The following LY9 variants were observed in gnomAD, a reference collection of about 807,000 sequenced individuals.
LY9 encodes lymphocyte antigen 9.
LY9 carries 59 observed loss-of-function variants against 64.6 expected under a neutral mutation model. The observed-to-expected ratio is 0.91, with a 90% CI of 0.74 to 1.13. The LOEUF (loss-of-function observed/expected upper bound fraction) is 1.13, where lower values mean the gene tolerates loss of function less well. Among genes scored for constraint, LY9 ranks in the 50% most tolerant of loss-of-function variants. The pLI, the probability that LY9 is intolerant of heterozygous loss-of-function variation, is 0.00. For missense variants in LY9, 789 were observed against 797.2 expected (o/e 0.99, Z 0.12); for synonymous variants, 281 against 308.5 (o/e 0.91, Z 0.93).
chr1:160,823,804 C>T lies in LY9; in HGVS notation c.1830+8C>T, dbSNP rs202223592. On this transcript the variant is annotated splice_region_variant and intron_variant, in intron 8 of 9. Transcript: ENST00000263285. ...CAAGTGTTCAACTTACAGGTGAGCC[C>T]TTCTGATCAATACACCTTCCTCCTC... 15 of 1,597,362 alleles carry T rather than the reference C, an allele frequency of 9.4e-6. No individual in the cohort carries two copies. In the African/African-American group the frequency reaches 1.5e-4, roughly 16 times the overall value.
intron 2 of LY9, chr1:160,810,547 C>T (rs375425227): frequency 6.6e-6 from 1 of 152,164 alleles, no homozygotes; most frequent in Non-Finnish European, 1.5e-5. Context: ...TCTTTAGATG[C>T]CCTGTCTCCA....
chr1:160,814,774 G>T lies in LY9; in HGVS notation c.1072+13G>T. 6.2e-7 allele frequency: 1 copy of T among 1,601,586 alleles called. No individual in the cohort carries two copies. Among genetic ancestry groups the T allele is most frequent in the South Asian group, 1.1e-5 (1 of 89,706 alleles). On this transcript the variant is annotated intron_variant, in intron 4 of 9. Coordinates refer to ENST00000263285, the MANE Select transcript of LY9 (RefSeq NM_002348.4). Reference sequence around the variant, plus strand: ...CTGCTCATCTACCGTGAGTCTCTGGGCAGGGCACCCATCACCAGATTCCTT... The same window carrying T: ...CTGCTCATCTACCGTGAGTCTCTGGTCAGGGCACCCATCACCAGATTCCTT...
chr1:160,822,925 A>G (rs373722088), intron 7 of LY9, among the ~76,000 whole-genome samples: 141 of 152,326 alleles, frequency 9.3e-4, no homozygotes, highest in South Asian at 4.6e-3. Flanking sequence ...TCCTCCACCT[A>G]GAATACCCTT....
chr1:160,796,283 A>T lies in LY9; in HGVS notation c.96A>T (p.Leu32=), dbSNP rs1252738333. Residue 32 remains leucine, a synonymous_variant, in exon 1 of 10, where the codon CTA becomes CTT. Coordinates refer to ENST00000263285, the MANE Select transcript of LY9 (RefSeq NM_002348.4). Reference sequence around the variant, plus strand: ...AGCTGCAAATATTCTCTTCTGTTCTACAGACCTCTCTCCTCTTCCTGCTCA... The same window carrying T: ...AGCTGCAAATATTCTCTTCTGTTCTTCAGACCTCTCTCCTCTTCCTGCTCA... ...RSQLQIFSSV[L]QTSLLFLLMG... is the part of the protein sequence containing the mutation. 1 of 1,613,622 alleles carries T rather than the reference A, an allele frequency of 6.2e-7. No individual in the cohort carries two copies. The highest frequency in any genetic ancestry group is 1.3e-5 in the African/African-American group (1 of 75,018).
intron 5 of LY9, among the ~76,000 whole-genome samples, chr1:160,817,870 G>A (rs557649098): frequency 6.6e-6 from 1 of 152,138 alleles, no homozygotes; most frequent in Non-Finnish European, 1.5e-5. Flanking sequence ...CAGCTTAACA[G>A]GAATCTGGAA....
intron 9 of LY9, 108 bp downstream of exon 9, chr1:160,824,357 T>C: frequency 6.5e-7 from 1 of 1,542,544 alleles, no homozygotes; most frequent in East Asian, 2.3e-5. Context: ...GATCTTAAAT[T>C]CTACCCACTA....
chr1:160,814,805 A>C (rs756520149), intron 4 of LY9, 44 bp downstream of exon 4: 2 of 1,522,898 alleles, frequency 1.3e-6, no homozygotes, highest in Non-Finnish European at 1.8e-6. Flanking sequence ...TCCTTCTCTG[A>C]AAGCTTTCTC....
At chr1:160,801,390 T>C (rs1278761861) in intron 2 of LY9, among the ~76,000 whole-genome samples, 1 of 152,220 alleles carries the variant, frequency 6.6e-6, no homozygotes, top group Non-Finnish European at 1.5e-5. Context: ...CTTTGCCCAC[T>C]TTTTAATAGA....
chr1:160,801,563 C>T (rs1256347126), intron 2 of LY9, among the ~76,000 whole-genome samples: 2 of 151,896 alleles, frequency 1.3e-5, no homozygotes, highest in African/African-American at 4.8e-5. Flanking sequence ...AGTTTAAATC[C>T]CGTTTGTCTA....
At chr1:160,825,703 A>G (rs919277575) in intron 9 of LY9, among the ~76,000 whole-genome samples, 2 of 152,212 alleles carry the variant, frequency 1.3e-5, no homozygotes, top group African/African-American at 4.8e-5. Flanking sequence ...TGAGGTCAGG[A>G]GTTCAAGACC....
chr1:160,796,235 C>G lies in LY9; in HGVS notation c.48C>G (p.Phe16Leu). ...SHTDDWAPGPFSSKPQRSQLQ... is the reference protein window; with the variant it reads ...SHTDDWAPGPLSSKPQRSQLQ... ...CAGATGACTGGGCTCCTGGGCCTTT[C>G]TCCAGTAAGCCACAGAGGAGTCAGC... is the stretch of plus-strand genomic sequence containing the variant. The change falls in exon 1 of 10, where the codon TTC becomes TTG. Residue 16 changes from phenylalanine to leucine, a missense_variant. Phe to Leu is a conservative substitution (Grantham distance 22). Coordinates refer to ENST00000263285, the MANE Select transcript of LY9 (RefSeq NM_002348.4). 6.2e-7 allele frequency: 1 copy of G among 1,614,144 alleles called. No homozygotes were observed. The highest frequency in any genetic ancestry group is 8.5e-7 in the Non-Finnish European group (1 of 1,180,006).
At chr1:160,827,609 C>A in intron 9 of LY9, 139 bp from the exon 10 acceptor site, 1 of 589,538 alleles carries the variant, frequency 1.7e-6, no homozygotes, top group Non-Finnish European at 2.9e-6. Context: ...TGGTTGATTG[C>A]GCCATCCCTG....
rs1276117852 is a variant in LY9, at chr1:160,801,642, G to A, written c.454+1560G>A. 1.4e-5 allele frequency: 9 copies of A among 630,184 alleles called. No homozygotes were observed. In the East Asian group the frequency reaches 2.0e-4, roughly 14 times the overall value. The allele number at this position is 630,184 out of a possible 1,614,324, so 39.0% of individuals were successfully genotyped here. ...TTTATTTGTCCAGACCAATGTCCAG[G>A]AGAGTTTTCCCTAGGTTTTCTTCTA... On this transcript the variant is annotated intron_variant, in intron 2 of 9. Transcript: ENST00000263285.
intron 7 of LY9, among the ~76,000 whole-genome samples, chr1:160,820,930 A>G (rs1475834227): frequency 6.6e-6 from 1 of 151,236 alleles, no homozygotes; most frequent in Non-Finnish European, 1.5e-5. Context: ...AGGCAGGTAG[A>G]TCACCTGAGG....
intron 2 of LY9, among the ~76,000 whole-genome samples, chr1:160,807,849 T>A (rs1667126127): frequency 6.6e-6 from 1 of 152,064 alleles, no homozygotes; most frequent in South Asian, 2.1e-4. Flanking sequence ...CTGGCCTATG[T>A]GTTCTCTTTC....
chr1:160,823,888 G>C, intron 8 of LY9, 92 bp downstream of exon 8: 1 of 1,101,398 alleles, frequency 9.1e-7, no homozygotes, highest in Non-Finnish European at 1.3e-6. Context: ...ACTGGGGGCT[G>C]GGGCCTGGAA....
intron 2 of LY9, chr1:160,811,895 A>G (rs1667505261): frequency 1.3e-5 from 2 of 152,158 alleles, no homozygotes; most frequent in African/African-American, 4.8e-5. Flanking sequence ...CTTGAAGACA[A>G]TCTAGGATTT....
intron 4 of LY9, among the ~76,000 whole-genome samples, chr1:160,816,003 T>C (rs192439239): frequency 1.1e-4 from 17 of 152,350 alleles, no homozygotes; most frequent in Admixed American, 3.3e-4. Flanking sequence ...GTCACTATCA[T>C]GGTTTTGTTA....
chr1:160,799,923 A>G lies in LY9; in HGVS notation c.295A>G (p.Met99Val), dbSNP rs1388103860. ...FARPKENVTIMVKSYLGRLDI... is the reference protein window; with the variant it reads ...FARPKENVTIVVKSYLGRLDI... The stretch of plus-strand genomic sequence containing the variant: ...ACGTCCCAAAGAAAATGTAACCATT[A>G]TGGTCAAAAGCTACCTGGGCCGACT... The change falls in exon 2 of 10, where the codon ATG becomes GTG. Residue 99 changes from methionine (M) to valine (V), a missense_variant. Physicochemically the swap from Met to Val is conservative, Grantham distance 21. Coordinates refer to ENST00000263285, the MANE Select transcript of LY9 (RefSeq NM_002348.4). The G allele has an allele frequency of 3.7e-6, 6 of 1,614,222 alleles. No homozygotes were observed. The highest frequency in any genetic ancestry group is 5.1e-6 in the Non-Finnish European group (6 of 1,180,038).
Sources: allele counts gnomAD v4.1 joint callset (sites outside exome capture counted in the v4.1 genomes callset), GRCh38; gene constraint gnomAD v4.1.1; transcripts MANE v1.5; gene names NCBI Gene and HGNC (gene_info 2026-07-23, HGNC 2026-07-21).